ADAM11: variants seen among roughly 807,000 people sequenced by gnomAD.
ADAM11 encodes ADAM metallopeptidase domain 11.
Under a neutral mutation model 119.1 loss-of-function variants are expected in ADAM11, and 49 were observed. The ratio of observed to expected loss-of-function variants is 0.41; its 90% CI spans 0.33 to 0.52. The LOEUF is 0.52. Ranked by LOEUF, ADAM11 falls within the 20% of genes least tolerant of loss-of-function variation. The pLI, the probability that ADAM11 is intolerant of heterozygous loss-of-function variation, is 0.20. For missense variants in ADAM11, 777 were observed against 1,047.5 expected (o/e 0.74, Z 3.56); for synonymous variants, 364 against 408.0 (o/e 0.89, Z 1.30).
At position 44,759,757 on chromosome 17, in the gene ADAM11, TG is replaced by T. The variant is rs767694891; in HGVS notation, c.104del (p.Gly35AlafsTer52). Reference sequence around the variant, plus strand: ...CCAAGGTCCTGCTGGAGCTCTGCGATGGGGGGGCTTACCCCAGCTGGGAGGC... The same window carrying T: ...CCAAGGTCCTGCTGGAGCTCTGCGATGGGGGGCTTACCCCAGCTGGGAGGC... ...GTQGPAGALR[W>X]GGLPQLGGPG... On this transcript the variant is annotated frameshift_variant, in exon 2 of 27. Transcript: ENST00000200557. LOFTEE classifies it high-confidence loss of function. The T allele has an allele frequency of 4.5e-6, 6 of 1,325,498 alleles. No individual in the cohort carries two copies. Among genetic ancestry groups the T allele is most frequent in the Non-Finnish European group, 3.9e-6 (4 of 1,030,264 alleles). The allele number at this position is 1,325,498 out of a possible 1,614,324, so 82.1% of individuals were successfully genotyped here. A position where few individuals can be genotyped will look rare whatever the true frequency, so the allele number is the denominator to read the frequency against.
In ADAM11 at chr17:44,777,580, A is replaced by G. The variant is rs2049621436; in HGVS notation, c.1880A>G (p.Gln627Arg). The G allele has an allele frequency of 1.9e-6, 3 of 1,614,200 alleles. No homozygotes were observed. The highest frequency in any genetic ancestry group is 2.5e-6 in the Non-Finnish European group (3 of 1,180,040). Residue 627 changes from glutamine to arginine, a missense_variant, in exon 22 of 27, where the codon CAG becomes CGG. This residue lies in a region of ADAM11 where 348 missense variants were observed against 486.7 expected (regional missense o/e 0.72). Coordinates refer to ENST00000200557, the MANE Select transcript of ADAM11 (RefSeq NM_002390.6). This position sits in a 1 kb window ranked among gnomAD's most constrained non-coding sequence, Gnocchi z 5.1. The stretch of plus-strand genomic sequence containing the variant: ...ATCAGTAGTGTCACCTTCTACCACC[A>G]GGGCAAGGAGCTGGACTGCAGGTGC... ...GDISSVTFYH[Q>R]GKELDCRGGH...
rs971801896 is a variant in ADAM11, at chr17:44,781,391, C to G, written c.*1637C>G. The stretch of plus-strand genomic sequence containing the variant: ...CAAGGGCTGAGTGGAGGGGCCCCTC[C>G]GGCCAGCTCTGCTCCACCAGCCCTG... On this transcript the variant is annotated 3_prime_UTR_variant, in exon 27 of 27. Transcript: ENST00000200557. 1 of 152,210 alleles carries G rather than the reference C, an allele frequency of 6.6e-6. No homozygotes were observed. The highest frequency in any genetic ancestry group is 2.4e-5 in the African/African-American group (1 of 41,448). 9.4% of individuals were successfully genotyped at this position (152,210 alleles called of 1,614,324 possible).
At position 44,776,747 on chromosome 17, in the gene ADAM11, C is replaced by T. The variant is rs1195087629; in HGVS notation, c.1569C>T (p.Cys523=). The change falls in exon 19 of 27, where the codon TGC becomes TGT. Residue 523 remains cysteine (C), a splice_region_variant and synonymous_variant. Transcript: ENST00000200557. This position sits in a 1 kb window ranked among gnomAD's most constrained non-coding sequence, Gnocchi z 5.2. ...CAACCCCACCCCTCTCTCCACAGTG[C>T]CCGCCTAACCTGCACAAGCTGGACG... is the stretch of plus-strand genomic sequence containing the variant. ...AETCTGDSSQ[C]PPNLHKLDGY... 2.5e-6 allele frequency: 4 copies of T among 1,613,982 alleles called. No homozygotes were observed. Among genetic ancestry groups the T allele is most frequent in the Non-Finnish European group, 3.4e-6 (4 of 1,180,004 alleles).
rs1457295026 is a variant in ADAM11, at chr17:44,774,593, C to A, written c.1168+11C>A. 3.1e-6 allele frequency: 5 copies of A among 1,610,916 alleles called. No individual in the cohort carries two copies. Among genetic ancestry groups the A allele is most frequent in the Admixed American group, 3.3e-5 (2 of 59,782 alleles). On this transcript the variant is annotated intron_variant, in intron 13 of 26. Coordinates refer to ENST00000200557, the MANE Select transcript of ADAM11 (RefSeq NM_002390.6). ...ACCGGAGCTCGGCAGGTATCCTCCC[C>A]CAGAGGCCCCCGTGTGGCCCACGCC...
Position 44,772,962 on chromosome 17 carries a change from A to G in ADAM11, c.753+31A>G. 1.2e-6 allele frequency: 2 copies of G among 1,614,074 alleles called. No individual in the cohort carries two copies. Among genetic ancestry groups the G allele is most frequent in the Non-Finnish European group, 1.7e-6 (2 of 1,179,970 alleles). On this transcript the variant is annotated intron_variant, in intron 9 of 26. Transcript: ENST00000200557. This position sits in a 1 kb window ranked among gnomAD's most constrained non-coding sequence, Gnocchi z 4.5. ...TGCCAGGGCAGGGACAGGGCGTGAC[A>G]CTGGGAGGCCCCTGAGGAGCCTGGC...
At chr17:44,770,566 G>A (rs1030098738) in intron 4 of ADAM11, among the ~76,000 whole-genome samples, 16 of 151,798 alleles carry the variant, frequency 1.1e-4, no homozygotes, top group Non-Finnish European at 2.2e-4. Flanking sequence ...GGAGCGGGAG[G>A]GTGCCACTGG....
rs1598893798 is a variant in ADAM11, at chr17:44,776,643, G to T, written c.1567-102G>T. The T allele has an allele frequency of 7.1e-7, 1 of 1,408,182 alleles. No homozygotes were observed. The allele number at this position is 1,408,182 out of a possible 1,614,324, so 87.2% of individuals were successfully genotyped here. On this transcript the variant is annotated intron_variant, in intron 18 of 26. Coordinates refer to ENST00000200557, the MANE Select transcript of ADAM11 (RefSeq NM_002390.6). The surrounding 1 kb of genome is among the most constrained non-coding windows in gnomAD (Gnocchi z 5.2). ...GGCGTGGAAGAGCCCTGTGGCATGAGCCCCCAATGGGGGGCACTTGGTACC... is the reference window on the plus strand; with the variant it reads ...GGCGTGGAAGAGCCCTGTGGCATGATCCCCCAATGGGGGGCACTTGGTACC...
Position 44,775,282 on chromosome 17 carries a change from G to A in ADAM11, c.1291G>A (p.Gly431Ser). 1 of 1,613,814 alleles carries A rather than the reference G, an allele frequency of 6.2e-7. No homozygotes were observed. The highest frequency in any genetic ancestry group is 1.7e-5 in the Admixed American group (1 of 60,034). Reference sequence around the variant, plus strand: ...CAACCAGTTTCTGCAGGAGGGTGGTGGCAGCTGCCTCTTCAACAAGCCCCT... The same window carrying A: ...CAACCAGTTTCTGCAGGAGGGTGGTAGCAGCTGCCTCTTCAACAAGCCCCT... The part of the protein sequence containing the change: ...EYNQFLQEGG[G>S]SCLFNKPLKL... The change falls in exon 15 of 27, where the codon GGC (glycine) becomes AGC (serine). Residue 431 changes from glycine to serine, a missense_variant. Coordinates refer to ENST00000200557, the MANE Select transcript of ADAM11 (RefSeq NM_002390.6). The surrounding 1 kb of genome is among the most constrained non-coding windows in gnomAD (Gnocchi z 7.5).
At chr17:44,765,088 C>T (rs2049430929) in intron 2 of ADAM11, among the ~76,000 whole-genome samples, 1 of 152,016 alleles carries the variant, frequency 6.6e-6, no homozygotes, top group African/African-American at 2.4e-5. Context: ...TGGCTCTGTT[C>T]TCAAAAATGT....
rs1378320451 is a variant in ADAM11, at chr17:44,776,412, G to A, written c.1566+205G>A. Among the ~76,000 whole-genome samples the A allele has an allele frequency of 6.6e-6, 1 of 152,172 alleles. No individual in the cohort carries two copies. The highest frequency in any genetic ancestry group is 1.5e-5 in the Non-Finnish European group (1 of 68,028). On this transcript the variant is annotated intron_variant, in intron 18 of 26. Transcript: ENST00000200557. The surrounding 1 kb of genome is among the most constrained non-coding windows in gnomAD (Gnocchi z 5.2). ...TTCAATCATTAAACCAGAATGTATC[G>A]TCTGGCTGGTATTCCCAGCGCCTGG...
At position 44,772,502 on chromosome 17, in the gene ADAM11, C is replaced by A. The variant is rs746304027; in HGVS notation, c.678+36C>A. 2 of 1,550,120 alleles carry A rather than the reference C, an allele frequency of 1.3e-6. No homozygotes were observed. Among genetic ancestry groups the A allele is most frequent in the East Asian group, 2.4e-5 (1 of 41,254 alleles). ...CCGCACAGACCTCGGGCTGCAGAGA[C>A]CTCGGGCTGCAGAGAGACCTCAGGC... is the stretch of plus-strand genomic sequence containing the variant. On this transcript the variant is annotated intron_variant, in intron 8 of 26. Coordinates refer to ENST00000200557, the MANE Select transcript of ADAM11 (RefSeq NM_002390.6). The surrounding 1 kb of genome is among the most constrained non-coding windows in gnomAD (Gnocchi z 4.5).
In ADAM11 at chr17:44,776,673, C is replaced by G; in HGVS notation, c.1567-72C>G. 3 of 1,562,962 alleles carry G rather than the reference C, an allele frequency of 1.9e-6. No individual in the cohort carries two copies. In the South Asian group the frequency reaches 3.4e-5, roughly 18 times the overall value. On this transcript the variant is annotated intron_variant, in intron 18 of 26. Coordinates refer to ENST00000200557, the MANE Select transcript of ADAM11 (RefSeq NM_002390.6). This position sits in a 1 kb window ranked among gnomAD's most constrained non-coding sequence, Gnocchi z 5.2. ...CAATGGGGGGCACTTGGTACCCCAG[C>G]ATTCCTCCCTGGGGCAGCCCTCAGC...
chr17:44,763,490 G>A lies in ADAM11; in HGVS notation c.237+3593G>A, dbSNP rs528589277. Reference sequence around the variant, plus strand: ...CTCACTTCTGTCCAGCCTGGAAGCAGGCTAGGCCTGAGGCCCAGAGAAGTG... The same window carrying A: ...CTCACTTCTGTCCAGCCTGGAAGCAAGCTAGGCCTGAGGCCCAGAGAAGTG... On this transcript the variant is annotated intron_variant, in intron 2 of 26. Transcript: ENST00000200557. 1.2e-4 allele frequency among the ~76,000 whole-genome samples: 19 copies of A among 152,340 alleles called. No individual in the cohort carries two copies. In the South Asian group the frequency reaches 3.9e-3, roughly 32 times the overall value.
rs545198556 is a variant in ADAM11 at position 44,759,551 on chromosome 17, G to C, written c.62-171G>C. 5.4e-5 allele frequency: 68 copies of C among 1,256,790 alleles called. No homozygotes were observed. In the South Asian group the frequency reaches 2.3e-3, roughly 42 times the overall value. The allele number at this position is 1,256,790 out of a possible 1,614,324, so 77.9% of individuals were successfully genotyped here. The stretch of plus-strand genomic sequence containing the variant: ...CGGTTGGGCGGGAGTGAAGCTCCTG[G>C]CCCCCTCCCCGCGGGCTCTTGCCTC... On this transcript the variant is annotated intron_variant, in intron 1 of 26. Transcript: ENST00000200557.
chr17:44,759,195 G>T lies in ADAM11; in HGVS notation c.-5G>T. Reference sequence around the variant, plus strand: ...AGCCCCCGGACCGGGAGGAATGAGCGAGCCATGAGGCTGCTGCGGCGCTGG... The same window carrying T: ...AGCCCCCGGACCGGGAGGAATGAGCTAGCCATGAGGCTGCTGCGGCGCTGG... On this transcript the variant is annotated 5_prime_UTR_variant, in exon 1 of 27. The change creates a premature stop within an existing upstream ORF in the 5' untranslated region. Transcript: ENST00000200557. 2 of 1,357,984 alleles carry T rather than the reference G, an allele frequency of 1.5e-6. No individual in the cohort carries two copies. Among genetic ancestry groups the T allele is most frequent in the Non-Finnish European group, 1.9e-6 (2 of 1,050,582 alleles). The allele number at this position is 1,357,984 out of a possible 1,614,324, so 84.1% of individuals were successfully genotyped here. A position where few individuals can be genotyped will look rare whatever the true frequency, so the allele number is the denominator to read the frequency against.
At position 44,759,268 on chromosome 17, in the gene ADAM11, A is replaced by G; in HGVS notation, c.61+8A>G. The G allele has an allele frequency of 7.2e-7, 1 of 1,384,068 alleles. No individual in the cohort carries two copies. Among genetic ancestry groups the G allele is most frequent in the Non-Finnish European group, 9.3e-7 (1 of 1,071,996 alleles). The allele number at this position is 1,384,068 out of a possible 1,614,324, so 85.7% of individuals were successfully genotyped here. On this transcript the variant is annotated splice_region_variant and intron_variant, in intron 1 of 26. Coordinates refer to ENST00000200557, the MANE Select transcript of ADAM11 (RefSeq NM_002390.6). ...CGCTGCTCCCCACGCCCGGTGAGTG[A>G]CCCCCGCCCGGCCCCGGCGCCCCCT...
chr17:44,769,996 CG>C lies in ADAM11; in HGVS notation c.330del (p.Gln111AsnfsTer54). 1 of 1,614,152 alleles carries C rather than the reference CG, an allele frequency of 6.2e-7. No individual in the cohort carries two copies. The highest frequency in any genetic ancestry group is 8.5e-7 in the Non-Finnish European group (1 of 1,180,006). On this transcript the variant is annotated frameshift_variant, in exon 4 of 27. Transcript: ENST00000200557. LOFTEE classifies it high-confidence loss of function. The stretch of plus-strand genomic sequence containing the variant: ...CTCTGTCTCAGCCACCTCCTCTCCT[CG>C]CAATACGTGGAGCGCCACTTCAGCC... ...DLELNHHLLS[S>X]QYVERHFSRE...
chr17:44,778,176 T>C lies in ADAM11; in HGVS notation c.2210T>C (p.Ile737Thr). The change falls in exon 25 of 27, where the codon ATT becomes ACT. Residue 737 changes from isoleucine to threonine, a missense_variant. By Grantham distance (89) the Ile-to-Thr change is moderately conservative (BLOSUM62 -1). This residue lies in a region of ADAM11 where 348 missense variants were observed against 486.7 expected (regional missense o/e 0.72). Transcript: ENST00000200557. ...YKGPSGTNIIIGSIAGAVLVA... is the reference protein window; with the variant it reads ...YKGPSGTNIITGSIAGAVLVA... ...GGTCCCAGCGGCACCAACATCATCA[T>C]TGGCTCCATTGCTGGGGCTGTCCTG... 1 of 1,613,820 alleles carries C rather than the reference T, an allele frequency of 6.2e-7. No homozygotes were observed. The highest frequency in any genetic ancestry group is 8.5e-7 in the Non-Finnish European group (1 of 1,179,840).
chr17:44,772,819 T>C lies in ADAM11; in HGVS notation c.679-38T>C, dbSNP rs1432882882. On this transcript the variant is annotated intron_variant, in intron 8 of 26. Transcript: ENST00000200557. This position sits in a 1 kb window ranked among gnomAD's most constrained non-coding sequence, Gnocchi z 4.5. ...GCTTGGCCATGAGATCAGTCAGACA[T>C]GGAAGGGACTGATTCCAAGTGCCCA... 3.1e-6 allele frequency: 5 copies of C among 1,591,840 alleles called. No homozygotes were observed. Among genetic ancestry groups the C allele is most frequent in the Non-Finnish European group, 3.4e-6 (4 of 1,161,706 alleles).
Sources: allele counts gnomAD v4.1 joint callset (sites outside exome capture counted in the v4.1 genomes callset), GRCh38; gene constraint gnomAD v4.1.1; regional missense constraint gnomAD v4.1.1; non-coding constraint Gnocchi (gnomAD v3.1); transcripts MANE v1.5; gene names NCBI Gene and HGNC (gene_info 2026-07-23, HGNC 2026-07-21).